OLAH: variants seen among roughly 807,000 people sequenced by gnomAD.
OLAH encodes oleoyl-ACP hydrolase, also known as S-acyl fatty acid synthase thioesterase, medium chain.
Under a neutral mutation model 27.8 loss-of-function variants are expected in OLAH, and 33 were observed. The observed-to-expected ratio is 1.19, with a 90% confidence interval of 0.90 to 1.59. OLAH has a LOEUF of 1.59. Ranked by LOEUF, OLAH falls within the 40% of genes most tolerant of loss-of-function variation. OLAH has a pLI of 0.00. For missense variants in OLAH, 359 were observed against 310.8 expected, an observed-to-expected ratio of 1.16 and a Z score of -1.17; for synonymous variants, 120 against 102.9, an observed-to-expected ratio of 1.17 and a Z score of -1.01.
upstream of OLAH, among the ~76,000 whole-genome samples, chr10:15,039,809 C>G (rs1347866147): frequency 6.6e-6 from 1 of 152,216 alleles, no homozygotes; most frequent in Non-Finnish European, 1.5e-5. Context: ...AGGGAGAAGT[C>G]TGTATCCCCT....
chr10:15,049,100 C>A (rs953286347), intron 2 of OLAH, among the ~76,000 whole-genome samples: 1 of 55,338 alleles, frequency 1.8e-5, no homozygotes, highest in South Asian at 6.5e-4. Context: ...GAGACTATGT[C>A]TTTTTTTTTT....
rs35647166 is a variant in OLAH at position 15,073,163 on chromosome 10, G to A, written c.732G>A (p.Ala244=). The A allele has an allele frequency of 1.8e-5, 29 of 1,611,380 alleles. No individual in the cohort carries two copies. In the African/African-American group the frequency reaches 2.0e-4, roughly 11 times the overall value. ...PGGHFYLLDP[A]NEKLIKNYII... is the part of the protein sequence containing the mutation. ...GTCACTTTTATCTTCTGGATCCTGCGAACGAGAAATTAATCAAGAACTACA... is the reference window on the plus strand; with the variant it reads ...GTCACTTTTATCTTCTGGATCCTGCAAACGAGAAATTAATCAAGAACTACA... The change falls in exon 8 of 8, where the codon GCG becomes GCA. Residue 244 remains alanine, a synonymous_variant. Transcript: ENST00000378228.
rs151112213 is a variant in OLAH at position 15,071,845 on chromosome 10, T to C, written c.623T>C (p.Val208Ala). The C allele has an allele frequency of 4.6e-5, 75 of 1,613,684 alleles. No individual in the cohort carries two copies. In the African/African-American group the frequency reaches 6.8e-4, roughly 15 times the overall value. ...AVLSCDLTCFVGSEDIAKDME... is the reference protein window; with the variant it reads ...AVLSCDLTCFAGSEDIAKDME... Reference sequence around the variant, plus strand: ...CTTTCCTGTGACTTGACATGTTTTGTTGGATCTGAAGACATAGCAAAGGAC... The same window carrying C: ...CTTTCCTGTGACTTGACATGTTTTGCTGGATCTGAAGACATAGCAAAGGAC... The change falls in exon 7 of 8, where the codon GTT becomes GCT. Residue 208 changes from valine to alanine, a missense_variant. Val to Ala is a moderately conservative substitution (Grantham distance 64). Transcript: ENST00000378228.
At position 15,073,304 on chromosome 10, in the gene OLAH, T is replaced by G. The variant is rs888196973; in HGVS notation, c.*75T>G. 52 of 965,742 alleles carry G rather than the reference T, an allele frequency of 5.4e-5. No individual in the cohort carries two copies. In the African/African-American group the frequency reaches 7.3e-4, roughly 14 times the overall value. 59.8% of individuals were successfully genotyped at this position (965,742 alleles called of 1,614,324 possible). On this transcript the variant is annotated 3_prime_UTR_variant, in exon 8 of 8. Coordinates refer to ENST00000378228, the MANE Select transcript of OLAH (RefSeq NM_001039702.3). ...TCAGTTATTCAGATATAGCTCAGTT[T>G]TATTCAGATTGGAAATTACACATTT...
Position 15,049,774 on chromosome 10 carries a change from AT to A in OLAH, c.163+14del, listed in dbSNP as rs1427681395. On this transcript the variant is annotated intron_variant, in intron 3 of 7. Transcript: ENST00000378228. ...TCATGATTTGCTGGAAGGTATGTTA[AT>A]TTTTAACATCATTTAAGCAATTTAA... 1 of 1,600,532 alleles carries A rather than the reference AT, an allele frequency of 6.2e-7. No individual in the cohort carries two copies. The highest frequency in any genetic ancestry group is 2.2e-5 in the East Asian group (1 of 44,568).
intron 3 of OLAH, among the ~76,000 whole-genome samples, chr10:15,060,574 T>A (rs184386997): frequency 1.2e-4 from 18 of 152,174 alleles, no homozygotes; most frequent in East Asian, 5.8e-4. Context: ...TTTTTAAAAA[T>A]TTTTCAGATA....
intron 2 of OLAH, 151 bp from the exon 3 acceptor site, chr10:15,049,484 G>T (rs1844090011): frequency 8.4e-6 from 4 of 478,180 alleles, no homozygotes; most frequent in African/African-American, 6.1e-5. Flanking sequence ...AATCTTTTTT[G>T]CCCTTTCTTA....
upstream of OLAH, among the ~76,000 whole-genome samples, chr10:15,040,301 A>G (rs1187830196): frequency 6.6e-6 from 1 of 152,116 alleles, no homozygotes; most frequent in Non-Finnish European, 1.5e-5. Context: ...TCTGTTCACC[A>G]TCTTTGTTTC....
intron 1 of OLAH, among the ~76,000 whole-genome samples, chr10:15,036,486 A>T (rs1430100246): frequency 6.6e-6 from 1 of 152,050 alleles, no homozygotes; most frequent in East Asian, 1.9e-4. Flanking sequence ...AACAAAAGCG[A>T]GACTCTATCC....
chr10:15,058,040 A>C (rs376636448), intron 3 of OLAH, among the ~76,000 whole-genome samples: 1 of 152,176 alleles, frequency 6.6e-6, no homozygotes, highest in South Asian at 2.1e-4. Flanking sequence ...TCAGCTTATC[A>C]ATTTCCTGAG....
intron 3 of OLAH, among the ~76,000 whole-genome samples, chr10:15,061,131 C>G (rs1278039820): frequency 6.6e-6 from 1 of 152,080 alleles, no homozygotes; most frequent in Admixed American, 6.5e-5. Flanking sequence ...AAATAAACTT[C>G]AAATTTGCAT....
At chr10:15,047,506 C>G in intron 2 of OLAH, 186 bp downstream of exon 2, 1 of 595,412 alleles carries the variant, frequency 1.7e-6, no homozygotes, top group East Asian at 3.0e-5. Context: ...ACCAGCCTGG[C>G]CGACATGGCA....
At chr10:15,045,070 C>A (rs577840942) in intron 1 of OLAH, among the ~76,000 whole-genome samples, 2 of 152,282 alleles carry the variant, frequency 1.3e-5, no homozygotes, top group South Asian at 4.1e-4. Context: ...AGGTTTCAAT[C>A]AAATGAAAGC....
chr10:15,065,607 C>T lies in OLAH; in HGVS notation c.426C>T (p.Pro142=). Residue 142 remains proline (P), a synonymous_variant, in exon 6 of 8, where the codon CCC becomes CCT. Transcript: ENST00000378228. Reference sequence around the variant, plus strand: ...AGTCAAAGGCCTGGCATCGCATTCCCAAAGATGATGAATTGTCAGAAGAAC... The same window carrying T: ...AGTCAAAGGCCTGGCATCGCATTCCTAAAGATGATGAATTGTCAGAAGAAC... The part of the protein sequence containing the change: ...PVHSKAWHRI[P]KDDELSEEQI... The T allele has an allele frequency of 1.2e-6, 2 of 1,611,712 alleles. No individual in the cohort carries two copies. Among genetic ancestry groups the T allele is most frequent in the Non-Finnish European group, 1.7e-6 (2 of 1,179,380 alleles).
intron 3 of OLAH, among the ~76,000 whole-genome samples, chr10:15,060,427 G>T (rs1278649017): frequency 1.3e-5 from 2 of 151,962 alleles, no homozygotes; most frequent in African/African-American, 4.8e-5. Context: ...ACCTCGGCCT[G>T]CCAAAGTGCT....
intron 3 of OLAH, chr10:15,056,718 C>G (rs972002776): frequency 8.3e-7 from 1 of 1,206,182 alleles, no homozygotes; most frequent in Admixed American, 4.2e-5. Context: ...GCAGCCTTAA[C>G]TTTTCAGCCT....
chr10:15,070,841 A>C (rs1454453583), intron 6 of OLAH, among the ~76,000 whole-genome samples: 1 of 146,520 alleles, frequency 6.8e-6, no homozygotes, highest in Non-Finnish European at 1.5e-5. Flanking sequence ...GCTGGAGTGC[A>C]ATGGTGCAAT....
chr10:15,051,660 G>A (rs141495992), intron 3 of OLAH, among the ~76,000 whole-genome samples: 201 of 151,924 alleles, frequency 1.3e-3, no homozygotes, highest in African/African-American at 4.7e-3. Context: ...TAAAAAAACG[G>A]TTGTATTATT....
chr10:15,042,515 C>G (rs988654266), upstream of OLAH, among the ~76,000 whole-genome samples: 1 of 152,150 alleles, frequency 6.6e-6, no homozygotes, highest in Non-Finnish European at 1.5e-5. Context: ...TCCACCCTCT[C>G]AAACATTTAT....
Sources: allele counts gnomAD v4.1 joint callset (sites outside exome capture counted in the v4.1 genomes callset), GRCh38; gene constraint gnomAD v4.1.1; transcripts MANE v1.5; gene names NCBI Gene and HGNC (gene_info 2026-07-23, HGNC 2026-07-21).